AHCTF1: variants seen among roughly 807,000 people sequenced by gnomAD.
AHCTF1 encodes the protein AT-hook containing transcription factor 1.
AHCTF1 carries 24 observed loss-of-function variants against 248.4 expected under a neutral mutation model. That is an observed-to-expected ratio of 0.10 (90% CI 0.07 to 0.14). AHCTF1 has a LOEUF of 0.14. Ranked by LOEUF, AHCTF1 falls within the 10% of genes least tolerant of loss-of-function variation. The pLI, the probability that AHCTF1 is intolerant of heterozygous loss-of-function variation, is 1.00. For synonymous variants in AHCTF1, 786 were observed against 929.8 expected, an observed-to-expected ratio of 0.85 and a Z score of 2.81; for missense variants, 2,206 against 2,636.2, an observed-to-expected ratio of 0.84 and a Z score of 3.57.
intron 1 of AHCTF1, 169 bp downstream of exon 1, chr1:246,931,409 G>C: frequency 6.8e-7 from 1 of 1,471,794 alleles, no homozygotes; most frequent in South Asian, 1.4e-5. Flanking sequence ...GCCACCGCTC[G>C]CCCCCTCGAG....
intron 17 of AHCTF1, among the ~76,000 whole-genome samples, chr1:246,889,209 T>C (rs187342418): frequency 6.6e-4 from 100 of 152,348 alleles, no homozygotes; most frequent in African/African-American, 2.2e-3. Context: ...TTCACTCGAA[T>C]ATCTATTGCT....
chr1:246,897,008 T>C (rs909660530), intron 12 of AHCTF1, among the ~76,000 whole-genome samples: 2 of 152,162 alleles, frequency 1.3e-5, no homozygotes, highest in East Asian at 1.9e-4. Context: ...TTCTACCACA[T>C]TGCAATGAGA....
chr1:246,885,974 C>G (rs1426102727), intron 20 of AHCTF1, among the ~76,000 whole-genome samples: 4 of 152,072 alleles, frequency 2.6e-5, no homozygotes, highest in Admixed American at 2.6e-4. Flanking sequence ...ACTGCTTGAG[C>G]TCAGGAGTTC....
At chr1:246,869,130 A>C (rs1320219097) in intron 24 of AHCTF1, among the ~76,000 whole-genome samples, 1 of 151,882 alleles carries the variant, frequency 6.6e-6, no homozygotes, top group South Asian at 2.1e-4. Context: ...GGCGTGAGCC[A>C]CCACGCCCGG....
chr1:246,904,972 A>C (rs1418582720), intron 6 of AHCTF1, among the ~76,000 whole-genome samples: 2 of 152,352 alleles, frequency 1.3e-5, no homozygotes, highest in Non-Finnish European at 2.9e-5. Flanking sequence ...AGAACAAGAG[A>C]GCAGGGTACT....
chr1:246,843,423 G>A (rs1362325594), intron 34 of AHCTF1, among the ~76,000 whole-genome samples: 3 of 152,168 alleles, frequency 2.0e-5, no homozygotes, highest in Admixed American at 6.5e-5. Context: ...AAATGCTTAT[G>A]AATTAACATT....
intron 29 of AHCTF1, among the ~76,000 whole-genome samples, chr1:246,858,661 C>G (rs1255202111): frequency 6.6e-6 from 1 of 151,876 alleles, no homozygotes; most frequent in Non-Finnish European, 1.5e-5. Flanking sequence ...AACCCCGCCT[C>G]TAATAATACA....
At chr1:246,911,929 GTTTT>G (rs529562509) in intron 4 of AHCTF1, among the ~76,000 whole-genome samples, 1 of 151,452 alleles carries the variant, frequency 6.6e-6, no homozygotes. Flanking sequence ...ATCACTTGCA[GTTTT>G]TTTGTTTTTG....
At chr1:246,893,674 T>C (rs1014893983) in intron 14 of AHCTF1, among the ~76,000 whole-genome samples, 1 of 152,192 alleles carries the variant, frequency 6.6e-6, no homozygotes, top group Non-Finnish European at 1.5e-5. Flanking sequence ...AGGACAGCAG[T>C]GATGCATTTT....
chr1:246,853,771 T>G (rs1030837639), intron 31 of AHCTF1, among the ~76,000 whole-genome samples: 4 of 152,184 alleles, frequency 2.6e-5, no homozygotes, highest in African/African-American at 9.7e-5. Flanking sequence ...CTTTAGTGTT[T>G]AACAACAACA....
At chr1:246,921,453 A>G (rs1441541513) in intron 1 of AHCTF1, among the ~76,000 whole-genome samples, 1 of 152,152 alleles carries the variant, frequency 6.6e-6, no homozygotes, top group African/African-American at 2.4e-5. Context: ...AACTCAAAGG[A>G]TAAGTAAAAA....
At chr1:246,911,128 G>A (rs1412355578) in intron 4 of AHCTF1, among the ~76,000 whole-genome samples, 3 of 152,108 alleles carry the variant, frequency 2.0e-5, no homozygotes, top group Non-Finnish European at 4.4e-5. Flanking sequence ...AGAGACTTTC[G>A]TTATAAAATT....
chr1:246,841,664 T>C (rs1473756614), intron 35 of AHCTF1, among the ~76,000 whole-genome samples: 4 of 152,234 alleles, frequency 2.6e-5, no homozygotes, highest in Non-Finnish European at 5.9e-5. Flanking sequence ...TACTAATAGT[T>C]ACCTAACTTT....
chr1:246,865,910 G>C (rs12121733), intron 26 of AHCTF1, among the ~76,000 whole-genome samples: 28,533 of 151,862 alleles, frequency 0.19, 4,417 homozygotes, highest in African/African-American at 0.43. Flanking sequence ...ATCTATAGTG[G>C]TATTTAAAAA....
chr1:246,844,285 C>A (rs1026462897), intron 33 of AHCTF1, among the ~76,000 whole-genome samples: 1 of 152,152 alleles, frequency 6.6e-6, no homozygotes, highest in African/African-American at 2.4e-5. Context: ...GTAACCTGAG[C>A]TAGTCTGTGC....
intron 4 of AHCTF1, among the ~76,000 whole-genome samples, chr1:246,909,061 CTATATCTATA>C (rs1484770758): frequency 5.5e-5 from 8 of 144,704 alleles, no homozygotes; most frequent in Non-Finnish European, 1.0e-4. Context: ...ACAGATAATT[CTATATCTATA>C]TATATCTATA....
chr1:246,867,514 T>C (rs1384656599), intron 25 of AHCTF1, 147 bp downstream of exon 25: 3 of 1,153,596 alleles, frequency 2.6e-6, no homozygotes, highest in Admixed American at 5.6e-5. Flanking sequence ...TAAAAATTCT[T>C]CTCAGAAACA....
Position 246,931,866 on chromosome 1 carries a change from T to C in AHCTF1, c.-296A>G, listed in dbSNP as rs1433772540. On this transcript the variant is annotated 5_prime_UTR_variant, in exon 1 of 36. Coordinates refer to ENST00000648844, the MANE Select transcript of AHCTF1 (RefSeq NM_001323342.2). ...GCAGTCGCTGCTCCCGCCGCGCTTC[T>C]GGGTCCTTCCCCTTGCAACGCTGCC... 6.6e-6 allele frequency: 1 copy of C among 152,586 alleles called. No individual in the cohort carries two copies. Among genetic ancestry groups the C allele is most frequent in the Non-Finnish European group, 1.5e-5 (1 of 68,424 alleles). 9.5% of individuals were successfully genotyped at this position (152,586 alleles called of 1,614,324 possible).
chr1:246,865,907 G>C (rs909606600), intron 26 of AHCTF1, among the ~76,000 whole-genome samples: 1 of 152,024 alleles, frequency 6.6e-6, no homozygotes, highest in African/African-American at 2.4e-5. Flanking sequence ...AAAATCTATA[G>C]TGGTATTTAA....
Sources: allele counts gnomAD v4.1 joint callset (sites outside exome capture counted in the v4.1 genomes callset), GRCh38; gene constraint gnomAD v4.1.1; transcripts MANE v1.5; gene names NCBI Gene and HGNC (gene_info 2026-07-23, HGNC 2026-07-21).